The following SLC22A3 variants were observed in gnomAD, a reference collection of about 807,000 sequenced individuals.
SLC22A3 encodes EMT organic cation transporter 3.
In SLC22A3, 51 loss-of-function variants were observed where a neutral mutation model predicts 59.1. The ratio of observed to expected loss-of-function variants is 0.86; its 90% CI spans 0.69 to 1.09. The LOEUF (loss-of-function observed/expected upper bound fraction) is 1.09. Ranked by LOEUF, SLC22A3 falls within the 50% of genes least tolerant of loss-of-function variation. SLC22A3 has a pLI of 0.00. For missense variants in SLC22A3, 711 were observed against 726.3 expected (o/e 0.98, Z 0.24); for synonymous variants, 325 against 292.0 (o/e 1.11, Z -1.15).
chr6:160,361,726 T>C (rs373802123), intron 1 of SLC22A3, among the ~76,000 whole-genome samples: 116 of 152,288 alleles, frequency 7.6e-4, no homozygotes, highest in South Asian at 4.4e-3. Context: ...GAAATTGCAA[T>C]GTCTGAACCA....
intron 5 of SLC22A3, among the ~76,000 whole-genome samples, chr6:160,435,195 G>C (rs1360744135): frequency 2.0e-5 from 3 of 152,182 alleles, no homozygotes; most frequent in East Asian, 3.8e-4. Context: ...TCTCAAAAGA[G>C]GGAAGGGAAG....
chr6:160,410,189 G>A (rs1583488107), intron 4 of SLC22A3, among the ~76,000 whole-genome samples: 1 of 152,048 alleles, frequency 6.6e-6, no homozygotes, highest in Non-Finnish European at 1.5e-5. Context: ...GCTAATTTTT[G>A]TATTTTTAAT....
Position 160,452,124 on chromosome 6 carries a change from T to TTTTG in SLC22A3, c.*1071_*1074dup, listed in dbSNP as rs1354798034. 25 of 152,354 alleles carry TTTTG rather than the reference T, an allele frequency of 1.6e-4. No individual in the cohort carries two copies. The highest frequency in any genetic ancestry group is 6.0e-4 in the African/African-American group (25 of 41,588). The allele number at this position is 152,354 out of a possible 1,614,324, so 9.4% of individuals were successfully genotyped here. A position where few individuals can be genotyped will look rare whatever the true frequency, so the allele number is the denominator to read the frequency against. On this transcript the variant is annotated 3_prime_UTR_variant, in exon 11 of 11. Coordinates refer to ENST00000275300, the MANE Select transcript of SLC22A3 (RefSeq NM_021977.4). ...CTAATAAGGGATTTGATCTTTCTTT[T>TTTTG]TTTGTTATCGAGGCTTTTGAAATGT... is the stretch of plus-strand genomic sequence containing the variant.
chr6:160,423,363 G>T (rs2114887626), intron 5 of SLC22A3, among the ~76,000 whole-genome samples: 1 of 152,206 alleles, frequency 6.6e-6, no homozygotes, highest in East Asian at 1.9e-4. Context: ...GGGATGGCTG[G>T]GTCAAATGGT....
In SLC22A3 at chr6:160,398,020, C is replaced by G. The variant is rs750826927; in HGVS notation, c.471C>G (p.Thr157=). 6.2e-7 allele frequency: 1 copy of G among 1,613,736 alleles called. No individual in the cohort carries two copies. Among genetic ancestry groups the G allele is most frequent in the Admixed American group, 1.7e-5 (1 of 60,008 alleles). The part of the protein sequence containing the change: ...VCVNAWMLDL[T]QAILNLGFLT... ...TCAATGCGTGGATGCTGGACCTCAC[C>G]CAAGCCATCCTGAACCTCGGCTTCC... is the stretch of plus-strand genomic sequence containing the variant. Residue 157 remains threonine, a synonymous_variant, in exon 2 of 11, where the codon ACC becomes ACG. Coordinates refer to ENST00000275300, the MANE Select transcript of SLC22A3 (RefSeq NM_021977.4).
rs187071799 is a variant in SLC22A3, at chr6:160,426,342, T to G, written c.976-10438T>G. 6,886 of 985,362 alleles carry G rather than the reference T, an allele frequency of 7.0e-3. 31 individuals are homozygous for G. Among genetic ancestry groups the G allele is most frequent in the Non-Finnish European group, 7.6e-3 (6,266 of 829,904 alleles). 61.0% of individuals were successfully genotyped at this position (985,362 alleles called of 1,614,324 possible). A position where few individuals can be genotyped will look rare whatever the true frequency, so the allele number is the denominator to read the frequency against. ...TGGTTCTTGTGGTTTTGGTTCTTGT[T>G]TTTTGAGGGGTGCAGAGTTGGGTTA... On this transcript the variant is annotated intron_variant, in intron 5 of 10. Coordinates refer to ENST00000275300, the MANE Select transcript of SLC22A3 (RefSeq NM_021977.4).
chr6:160,448,002 A>G (rs1283541532), intron 10 of SLC22A3, among the ~76,000 whole-genome samples, 184 bp downstream of exon 10: 4 of 152,238 alleles, frequency 2.6e-5, no homozygotes. Context: ...CTCCAGAGCT[A>G]GATAAGAGTA....
At chr6:160,436,934 T>C (rs927113998) in intron 6 of SLC22A3, 57 bp downstream of exon 6, 2 of 1,607,876 alleles carry the variant, frequency 1.2e-6, no homozygotes, top group African/African-American at 2.7e-5. Flanking sequence ...ATACATCCCT[T>C]CCTTCAAATC....
At chr6:160,386,748 G>A (rs117111189) in intron 1 of SLC22A3, among the ~76,000 whole-genome samples, 578 of 152,280 alleles carry the variant, frequency 3.8e-3, no homozygotes, top group Non-Finnish European at 6.5e-3. Context: ...GGCAGAGGTC[G>A]GCAGGCATGC....
At chr6:160,447,888 G>A (rs1788806089) in intron 10 of SLC22A3, 70 bp downstream of exon 10, 1 of 1,167,638 alleles carries the variant, frequency 8.6e-7, no homozygotes. Context: ...GAATGACATT[G>A]AGAAAATTGA....
At chr6:160,436,517 GTATT>G (rs1184981972) in intron 5 of SLC22A3, among the ~76,000 whole-genome samples, 2 of 152,130 alleles carry the variant, frequency 1.3e-5, no homozygotes, top group Non-Finnish European at 2.9e-5. Context: ...ATGTGCATAT[GTATT>G]TAGAACATAC....
chr6:160,404,521 C>T (rs920111629), intron 2 of SLC22A3, among the ~76,000 whole-genome samples: 6 of 152,048 alleles, frequency 3.9e-5, no homozygotes, highest in South Asian at 2.1e-4. Flanking sequence ...TTCTTCCCAA[C>T]TTGATGTATA....
chr6:160,363,939 C>T (rs1406773001), intron 1 of SLC22A3, among the ~76,000 whole-genome samples: 1 of 151,864 alleles, frequency 6.6e-6, no homozygotes, highest in Non-Finnish European at 1.5e-5. Flanking sequence ...TCCTGGGATA[C>T]GAACTTTCAG....
intron 1 of SLC22A3, among the ~76,000 whole-genome samples, chr6:160,389,949 TC>T (rs1350458044): frequency 6.6e-6 from 1 of 152,230 alleles, no homozygotes; most frequent in African/African-American, 2.4e-5. Context: ...TGTGTGGGTC[TC>T]ATCCTTTTGG....
At chr6:160,376,684 C>T (rs752033376) in intron 1 of SLC22A3, among the ~76,000 whole-genome samples, 18 of 152,156 alleles carry the variant, frequency 1.2e-4, no homozygotes, top group Non-Finnish European at 2.5e-4. Context: ...CTCTATGCTA[C>T]TTGTTCTGTT....
At chr6:160,429,847 CT>C (rs1788087588) in intron 5 of SLC22A3, among the ~76,000 whole-genome samples, 1 of 149,844 alleles carries the variant, frequency 6.7e-6, no homozygotes, top group Admixed American at 6.6e-5. Context: ...AAATCCATTT[CT>C]TAAAAAAAAA....
At chr6:160,357,347 G>A (rs559501473) in intron 1 of SLC22A3, among the ~76,000 whole-genome samples, 14 of 152,082 alleles carry the variant, frequency 9.2e-5, no homozygotes, top group Non-Finnish European at 1.5e-4. Context: ...CAGTTGCTGC[G>A]TCCACCTAGC....
At chr6:160,385,598 G>GGCCCT (rs1785973280) in intron 1 of SLC22A3, among the ~76,000 whole-genome samples, 1 of 152,138 alleles carries the variant, frequency 6.6e-6, no homozygotes, top group Admixed American at 6.5e-5. Flanking sequence ...AAGCTTCCTC[G>GGCCCT]GCCCTACTGT....
Position 160,397,820 on chromosome 6 carries a change from T to C in SLC22A3, c.430-159T>C, listed in dbSNP as rs111759399. The stretch of plus-strand genomic sequence containing the variant: ...CAGTTATTTAAACAAAGGATATTTA[T>C]GTGTTAATGTAAACATACGTATGTG... On this transcript the variant is annotated intron_variant, in intron 1 of 10. Coordinates refer to ENST00000275300, the MANE Select transcript of SLC22A3 (RefSeq NM_021977.4). Among the ~76,000 whole-genome samples, 120 of 152,324 alleles carry C rather than the reference T, an allele frequency of 7.9e-4. 2 individuals carry two copies. The highest frequency in any genetic ancestry group is 2.3e-3 in the Admixed American group (35 of 15,300).
Sources: allele counts gnomAD v4.1 joint callset (sites outside exome capture counted in the v4.1 genomes callset), GRCh38; gene constraint gnomAD v4.1.1; transcripts MANE v1.5; gene names NCBI Gene and HGNC (gene_info 2026-07-23, HGNC 2026-07-21).